Variants in ADAMTS2 observed in about 807,000 individuals in gnomAD.
ADAMTS2 encodes the protein A disintegrin and metalloproteinase with thrombospondin motifs 2.
In ADAMTS2, 50 loss-of-function variants were observed where a neutral mutation model predicts 123.0. The observed-to-expected ratio is 0.41, with a 90% CI of 0.32 to 0.51. The LOEUF (loss-of-function observed/expected upper bound fraction) is 0.51. ADAMTS2 is among the 20% of genes least tolerant of loss of function. The pLI is 0.35. For missense variants in ADAMTS2, 1,494 were observed against 1,705.2 expected (o/e 0.88, Z 2.18); for synonymous variants, 678 against 695.4 (o/e 0.98, Z 0.39).
At position 179,197,039 on chromosome 5, in the gene ADAMTS2, T is replaced by C. The variant is rs1764446039; in HGVS notation, c.891+10474A>G. On this transcript the variant is annotated intron_variant, in intron 4 of 21. Transcript: ENST00000251582. This position sits in a 1 kb window ranked among gnomAD's most constrained non-coding sequence, Gnocchi z 4.2. The stretch of plus-strand genomic sequence containing the variant: ...AGTAATACGTCCAAATTTACTTTAA[T>C]GTAAAACTGATGTTTTAAAATGCTT... Among the ~76,000 whole-genome samples the C allele has an allele frequency of 6.6e-6, 1 of 152,268 alleles. No homozygotes were observed. The highest frequency in any genetic ancestry group is 2.4e-5 in the African/African-American group (1 of 41,472).
At chr5:179,216,458 T>TTC (rs1764983219) in intron 3 of ADAMTS2, among the ~76,000 whole-genome samples, 1 of 149,758 alleles carries the variant, frequency 6.7e-6, no homozygotes, top group African/African-American at 2.5e-5. Context: ...CGTGGCGAGC[T>TTC]TAGAAGCAGG....
At position 179,248,834 on chromosome 5, in the gene ADAMTS2, C is replaced by T. The variant is rs148896226; in HGVS notation, c.688+24077G>A. On this transcript the variant is annotated intron_variant, in intron 3 of 21. Coordinates refer to ENST00000251582, the MANE Select transcript of ADAMTS2 (RefSeq NM_014244.5). ...CACTTTCAAAAATGGATAAAACAACCGGCACATGATCAGTAAGAAAATAGA... is the reference window on the plus strand; with the variant it reads ...CACTTTCAAAAATGGATAAAACAACTGGCACATGATCAGTAAGAAAATAGA... Among the ~76,000 whole-genome samples the T allele has an allele frequency of 6.6e-4, 101 of 152,102 alleles. No individual in the cohort carries two copies. The East Asian group carries it at 0.014, about 21-fold the overall frequency.
chr5:179,131,345 A>G (rs1444239011), intron 15 of ADAMTS2, among the ~76,000 whole-genome samples: 1 of 151,450 alleles, frequency 6.6e-6, no homozygotes, highest in Admixed American at 6.6e-5. Context: ...AGAAAGAAAA[A>G]TGAGTATCAA....
At chr5:179,280,919 G>C (rs377379) in intron 2 of ADAMTS2, among the ~76,000 whole-genome samples, 2 of 152,246 alleles carry the variant, frequency 1.3e-5, no homozygotes, top group Admixed American at 1.3e-4. Flanking sequence ...GTGCAGTGGC[G>C]CAACCTCAGC....
In ADAMTS2 at chr5:179,132,683, G is replaced by A. The variant is rs1394219545; in HGVS notation, c.2209+94C>T. The A allele has an allele frequency of 2.2e-5, 31 of 1,391,310 alleles. No individual in the cohort carries two copies. The highest frequency in any genetic ancestry group is 2.3e-4 in the Middle Eastern group (1 of 4,312). The allele number at this position is 1,391,310 out of a possible 1,614,324, so 86.2% of individuals were successfully genotyped here. On this transcript the variant is annotated intron_variant, in intron 14 of 21. Coordinates refer to ENST00000251582, the MANE Select transcript of ADAMTS2 (RefSeq NM_014244.5). The surrounding 1 kb of genome is among the most constrained non-coding windows in gnomAD (Gnocchi z 6.1). ...CCCTCCCCAGAACAGTCATAAGCCC[G>A]GACAGCCCCAGGATGAGTCAGGCCC...
At position 179,130,084 on chromosome 5, in the gene ADAMTS2, C is replaced by T. The variant is rs867147371; in HGVS notation, c.2305G>A (p.Glu769Lys). ...TSHHLAVKNL[E>K]TGKFILNEEN... is the part of the protein sequence containing the mutation. The stretch of plus-strand genomic sequence containing the variant: ...TCATTTAAGATGAACTTGCCTGTCT[C>T]CAGGTTCTTGACGGCTGAGAATGGC... The change falls in exon 16 of 22, where the codon GAG becomes AAG. Residue 769 changes from glutamate (E) to lysine (K), a missense_variant. Coordinates refer to ENST00000251582, the MANE Select transcript of ADAMTS2 (RefSeq NM_014244.5). This position sits in a 1 kb window ranked among gnomAD's most constrained non-coding sequence, Gnocchi z 4.3. The T allele has an allele frequency of 6.2e-7, 1 of 1,614,056 alleles. No individual in the cohort carries two copies. The highest frequency in any genetic ancestry group is 1.3e-5 in the African/African-American group (1 of 75,072).
chr5:179,273,416 G>A (rs1766601962), intron 2 of ADAMTS2, among the ~76,000 whole-genome samples: 1 of 152,128 alleles, frequency 6.6e-6, no homozygotes, highest in South Asian at 2.1e-4. Flanking sequence ...TCCCCAGGAG[G>A]GCATCCACCA....
At chr5:179,207,475 T>TGCCCCCCCCCCCCC in intron 4 of ADAMTS2, 38 bp downstream of exon 4, 3 of 588,616 alleles carry the variant, frequency 5.1e-6, no homozygotes, top group Non-Finnish European at 6.4e-6. Context: ...TGGTTGACCC[T>TGCCCCCCCCCCCCC]CCCCGCCCCA....
At chr5:179,222,121 T>C (rs1765140786) in intron 3 of ADAMTS2, among the ~76,000 whole-genome samples, 1 of 152,106 alleles carries the variant, frequency 6.6e-6, no homozygotes, top group African/African-American at 2.4e-5. Context: ...GTGAACTCCG[T>C]GGGTCCAGAA....
At chr5:179,186,591 A>C (rs1231600641) in intron 4 of ADAMTS2, among the ~76,000 whole-genome samples, 4 of 152,202 alleles carry the variant, frequency 2.6e-5, no homozygotes, top group African/African-American at 7.2e-5. Context: ...CCACCTGGGC[A>C]TGGGAACCAC....
At position 179,345,248 on chromosome 5, in the gene ADAMTS2, G is replaced by GAGC; in HGVS notation, c.78_80dup (p.Leu28dup). On this transcript the variant is annotated inframe_insertion, in exon 1 of 22. Coordinates refer to ENST00000251582, the MANE Select transcript of ADAMTS2 (RefSeq NM_014244.5). The surrounding 1 kb of genome is among the most constrained non-coding windows in gnomAD (Gnocchi z 7.5). ...TCGCGGGCGGCGGCGGCGGCGGCAG[G>GAGC]AGCGGCGGCGGCAGCAGCAGCAGCA... 3 of 1,145,710 alleles carry GAGC rather than the reference G, an allele frequency of 2.6e-6. No individual in the cohort carries two copies. The highest frequency in any genetic ancestry group is 3.2e-6 in the Non-Finnish European group (3 of 939,196). The allele number at this position is 1,145,710 out of a possible 1,614,324, so 71.0% of individuals were successfully genotyped here.
chr5:179,323,847 G>A (rs1314755179), intron 2 of ADAMTS2, among the ~76,000 whole-genome samples: 1 of 152,206 alleles, frequency 6.6e-6, no homozygotes. Context: ...TTACATGAAT[G>A]TTCCTGGCAG....
rs188614492 is a variant in ADAMTS2 at position 179,240,444 on chromosome 5, G to A, written c.688+32467C>T. ...GGAAGGATCAGTGGTGTGAGAGACC[G>A]TGACAAGGCGGCAGCATCAATGGCC... On this transcript the variant is annotated intron_variant, in intron 3 of 21. Transcript: ENST00000251582. Among the ~76,000 whole-genome samples, 8 of 152,320 alleles carry A rather than the reference G, an allele frequency of 5.3e-5. No individual in the cohort carries two copies. In the East Asian group the frequency reaches 7.7e-4, roughly 15 times the overall value.
intron 3 of ADAMTS2, among the ~76,000 whole-genome samples, chr5:179,252,643 A>C (rs1765956006): frequency 6.6e-6 from 1 of 152,176 alleles, no homozygotes; most frequent in African/African-American, 2.4e-5. Flanking sequence ...ACCTGCTGAC[A>C]CTATTCTTTT....
intron 6 of ADAMTS2, among the ~76,000 whole-genome samples, chr5:179,157,043 A>G (rs1763486820): frequency 7.0e-6 from 1 of 143,622 alleles, no homozygotes; most frequent in African/African-American, 2.6e-5. Context: ...GGCTCACTGC[A>G]ACCTCTGCCT....
chr5:179,244,427 T>C (rs1253431117), intron 3 of ADAMTS2, among the ~76,000 whole-genome samples: 2 of 152,136 alleles, frequency 1.3e-5, no homozygotes, highest in Non-Finnish European at 2.9e-5. Context: ...TTTTCAAAAT[T>C]AAGGTGCAAT....
At position 179,154,291 on chromosome 5, in the gene ADAMTS2, G is replaced by A. The variant is rs1311992137; in HGVS notation, c.1239-99C>T. On this transcript the variant is annotated intron_variant, in intron 7 of 21. Coordinates refer to ENST00000251582, the MANE Select transcript of ADAMTS2 (RefSeq NM_014244.5). ...GGAGGGTGCCCCATCTTTCCCCAAC[G>A]GGCCTCCTGACCTTGGCCCACTCTG... is the stretch of plus-strand genomic sequence containing the variant. The A allele has an allele frequency of 7.2e-5, 108 of 1,504,678 alleles. 1 individual carries two copies. Among genetic ancestry groups the A allele is most frequent in the Non-Finnish European group, 7.1e-6 (8 of 1,122,754 alleles). 93.2% of individuals were successfully genotyped at this position (1,504,678 alleles called of 1,614,324 possible).
intron 3 of ADAMTS2, among the ~76,000 whole-genome samples, chr5:179,245,210 C>T (rs1307113161): frequency 2.0e-5 from 3 of 151,944 alleles, no homozygotes; most frequent in South Asian, 2.1e-4. Context: ...GCATAAAAGA[C>T]GAAGGACAGA....
In ADAMTS2 at chr5:179,179,803, C is replaced by T. The variant is rs551712247; in HGVS notation, c.975+1269G>A. 6.6e-5 allele frequency among the ~76,000 whole-genome samples: 10 copies of T among 152,264 alleles called. No individual in the cohort carries two copies. In the East Asian group the frequency reaches 1.3e-3, roughly 21 times the overall value. ...GATCCCTTCTGCCACCGGAGTCCTT[C>T]GTCATCATTTTTACATCGTGTGCCT... On this transcript the variant is annotated intron_variant, in intron 5 of 21. Transcript: ENST00000251582.
Sources: allele counts gnomAD v4.1 joint callset (sites outside exome capture counted in the v4.1 genomes callset), GRCh38; gene constraint gnomAD v4.1.1; non-coding constraint Gnocchi (gnomAD v3.1); transcripts MANE v1.5; gene names NCBI Gene and HGNC (gene_info 2026-07-23, HGNC 2026-07-21).